Variants in VEPH1 observed in about 807,000 individuals in gnomAD.
The protein encoded by VEPH1 is ventricular zone-expressed PH domain-containing protein homolog 1.
VEPH1 carries 80 observed loss-of-function variants against 85.2 expected under a neutral mutation model. That is an observed-to-expected ratio of 0.94 (90% CI 0.78 to 1.13). The LOEUF (loss-of-function observed/expected upper bound fraction) is 1.13. Among genes scored for constraint, VEPH1 ranks in the 50% most tolerant of loss-of-function variants. VEPH1 has a pLI of 0.00. For synonymous variants in VEPH1, 297 were observed against 348.0 expected, an observed-to-expected ratio of 0.85 and a Z score of 1.63; for missense variants, 955 against 980.5, an observed-to-expected ratio of 0.97 and a Z score of 0.35.
At chr3:157,383,773 T>A (rs936431185) in intron 6 of VEPH1, among the ~76,000 whole-genome samples, 1 of 152,202 alleles carries the variant, frequency 6.6e-6, no homozygotes, top group Admixed American at 6.5e-5. Context: ...TAATGTTAGA[T>A]GAATGAAAAT....
At chr3:157,273,250 A>C (rs371221684) in intron 12 of VEPH1, among the ~76,000 whole-genome samples, 1 of 152,228 alleles carries the variant, frequency 6.6e-6, no homozygotes, top group East Asian at 1.9e-4. Flanking sequence ...CTTTATGGTT[A>C]CCATGCACTA....
At chr3:157,449,054 C>T (rs1053145237) in intron 4 of VEPH1, among the ~76,000 whole-genome samples, 2 of 152,166 alleles carry the variant, frequency 1.3e-5, no homozygotes, top group African/African-American at 4.8e-5. Flanking sequence ...ATTGTGAGGC[C>T]TCCCTAGCCA....
chr3:157,481,465 C>CAAA lies in VEPH1; in HGVS notation c.139-10939_139-10937dup, dbSNP rs1553796737. The stretch of plus-strand genomic sequence containing the variant: ...ACACACACACACACACACACACACA[C>CAAA]AAAAAAAAAAAAAAAAAAAAACAAT... On this transcript the variant is annotated intron_variant, in intron 2 of 13. Coordinates refer to ENST00000362010, the MANE Select transcript of VEPH1 (RefSeq NM_001167912.2). 1.6e-4 allele frequency among the ~76,000 whole-genome samples: 10 copies of CAAA among 63,336 alleles called. 1 individual carries two copies. Among genetic ancestry groups the CAAA allele is most frequent in the African/African-American group, 4.5e-4 (8 of 17,600 alleles). 41.6% of individuals were successfully genotyped at this position (63,336 alleles called of 152,430 possible).
chr3:157,296,345 A>G (rs1317182318), intron 11 of VEPH1, among the ~76,000 whole-genome samples: 1 of 152,244 alleles, frequency 6.6e-6, no homozygotes, highest in East Asian at 1.9e-4. Context: ...AATGAGGCAG[A>G]GAACACAGTT....
intron 4 of VEPH1, among the ~76,000 whole-genome samples, chr3:157,441,498 A>C (rs1201957050): frequency 6.6e-6 from 1 of 152,270 alleles, no homozygotes. Context: ...AATATCTGAG[A>C]ACATTTGGTG....
intron 12 of VEPH1, among the ~76,000 whole-genome samples, chr3:157,275,268 T>C (rs1389793107): frequency 2.6e-5 from 4 of 152,168 alleles, no homozygotes; most frequent in African/African-American, 9.7e-5. Context: ...AGAAAACATA[T>C]TCTGGAAGAA....
chr3:157,353,636 C>A, intron 9 of VEPH1, among the ~76,000 whole-genome samples: 1 of 152,112 alleles, frequency 6.6e-6, no homozygotes, highest in East Asian at 1.9e-4. Flanking sequence ...TTCCCCCCTC[C>A]CTCCAAATTT....
chr3:157,469,681 T>A (rs538282408), intron 3 of VEPH1, among the ~76,000 whole-genome samples: 1 of 152,344 alleles, frequency 6.6e-6, no homozygotes, highest in Admixed American at 6.5e-5. Context: ...GGTAAATTTG[T>A]CATAGACAAT....
intron 4 of VEPH1, chr3:157,437,040 A>G (rs899856247): frequency 6.2e-7 from 1 of 1,613,824 alleles, no homozygotes; most frequent in East Asian, 2.2e-5. Context: ...GAAATAGACA[A>G]TGGACTCCAT....
At chr3:157,399,576 G>A (rs1005860247) in intron 6 of VEPH1, among the ~76,000 whole-genome samples, 1 of 151,942 alleles carries the variant, frequency 6.6e-6, no homozygotes, top group Non-Finnish European at 1.5e-5. Flanking sequence ...AGCCAGTAAA[G>A]GTCAAGCTAT....
chr3:157,496,347 C>T (rs1739663566), intron 1 of VEPH1, among the ~76,000 whole-genome samples: 1 of 152,212 alleles, frequency 6.6e-6, no homozygotes, highest in Non-Finnish European at 1.5e-5. Context: ...CTAATAAAAT[C>T]ACAGACCATT....
intron 4 of VEPH1, among the ~76,000 whole-genome samples, chr3:157,448,840 T>C (rs1389614755): frequency 6.6e-6 from 1 of 152,228 alleles, no homozygotes; most frequent in East Asian, 1.9e-4. Context: ...TCATCTTGAA[T>C]TGTACTCCCA....
intron 3 of VEPH1, among the ~76,000 whole-genome samples, chr3:157,463,230 G>A (rs1736043213): frequency 6.6e-6 from 1 of 152,158 alleles, no homozygotes; most frequent in Non-Finnish European, 1.5e-5. Context: ...ATCCATTCCT[G>A]CAGTTCCATC....
chr3:157,375,028 A>G (rs1727930910), intron 7 of VEPH1, among the ~76,000 whole-genome samples: 1 of 152,218 alleles, frequency 6.6e-6, no homozygotes, highest in South Asian at 2.1e-4. Context: ...AGGAATTACC[A>G]TGGACTCACA....
intron 4 of VEPH1, among the ~76,000 whole-genome samples, chr3:157,429,081 C>T (rs1191010017): frequency 6.6e-6 from 1 of 152,146 alleles, no homozygotes; most frequent in Non-Finnish European, 1.5e-5. Flanking sequence ...ACATAATTTC[C>T]TCAAAGATAT....
chr3:157,369,192 A>AAACAAAAAAAAAAAAAAAAAC (rs1727169631), intron 7 of VEPH1, among the ~76,000 whole-genome samples: 1 of 142,702 alleles, frequency 7.0e-6, no homozygotes, highest in South Asian at 2.4e-4. Flanking sequence ...AAAAAAAAAA[A>AAACAAAAAAAAAAAAAAAAAC]AAAAAAAAAA....
At chr3:157,369,474 G>A (rs1351821619) in intron 7 of VEPH1, among the ~76,000 whole-genome samples, 1 of 152,158 alleles carries the variant, frequency 6.6e-6, no homozygotes, top group African/African-American at 2.4e-5. Flanking sequence ...ATCTCCCTTG[G>A]TTTTATGATT....
intron 4 of VEPH1, among the ~76,000 whole-genome samples, chr3:157,453,753 C>T (rs1735151058): frequency 6.6e-6 from 1 of 152,132 alleles, no homozygotes; most frequent in Non-Finnish European, 1.5e-5. Context: ...AGAGCAAGAT[C>T]CCTTCTGCTT....
intron 5 of VEPH1, among the ~76,000 whole-genome samples, chr3:157,416,823 G>A (rs572786167): frequency 2.0e-5 from 3 of 150,446 alleles, no homozygotes; most frequent in African/African-American, 4.9e-5. Context: ...AGAGAAAAAG[G>A]AAAGAAAGAA....
Sources: allele counts gnomAD v4.1 joint callset (sites outside exome capture counted in the v4.1 genomes callset), GRCh38; gene constraint gnomAD v4.1.1; transcripts MANE v1.5; gene names NCBI Gene and HGNC (gene_info 2026-07-23, HGNC 2026-07-21).